CCDC127: variants seen among roughly 807,000 people sequenced by gnomAD.
CCDC127 encodes coiled-coil domain containing 127, also known as coiled-coil domain-containing protein 127.
CCDC127 carries 2 observed loss-of-function variants against 4.1 expected under a neutral mutation model. That is an observed-to-expected ratio of 0.49 (90% confidence interval 0.20 to 1.53). CCDC127 has a LOEUF of 1.53. Ranked by LOEUF, CCDC127 falls within the 40% of genes most tolerant of loss-of-function variation. The probability of loss-of-function intolerance (pLI) is 0.23; values close to 1 mark genes in which losing one functional copy is unlikely to be tolerated. For missense variants in CCDC127, 271 were observed against 322.9 expected (o/e 0.84, Z 1.23); for synonymous variants, 98 against 120.4 (o/e 0.81, Z 1.22).
At position 205,191 on chromosome 5, in the gene CCDC127, T is replaced by C. The variant is rs1734144351; in HGVS notation, c.*106A>G. 2.9e-6 allele frequency: 3 copies of C among 1,027,796 alleles called. No homozygotes were observed. The highest frequency in any genetic ancestry group is 2.9e-6 in the Non-Finnish European group (2 of 697,764). The allele number at this position is 1,027,796 out of a possible 1,614,324, so 63.7% of individuals were successfully genotyped here. Reference sequence around the variant, plus strand: ...GGAGGTCGCTGCTGAAGGGTGACGGTGTGGCCATGACACGGGCAGCACGGG... The same window carrying C: ...GGAGGTCGCTGCTGAAGGGTGACGGCGTGGCCATGACACGGGCAGCACGGG... On this transcript the variant is annotated 3_prime_UTR_variant, in exon 3 of 3. Transcript: ENST00000296824.
At chr5:210,601 A>C (rs907367598) in intron 2 of CCDC127, among the ~76,000 whole-genome samples, 67 of 152,220 alleles carry the variant, frequency 4.4e-4, no homozygotes, top group Middle Eastern at 3.2e-3. Flanking sequence ...CAGTAGAGCC[A>C]CGATGAGACA....
At chr5:214,570 AG>A (rs1377799773) in intron 2 of CCDC127, 1 of 152,184 alleles carries the variant, frequency 6.6e-6, no homozygotes, top group Non-Finnish European at 1.5e-5. Flanking sequence ...CTGAGAGAAA[AG>A]GGGGGAAGCA....
rs1734038530 is a variant in CCDC127, at chr5:199,839, A to G, written c.*5458T>C. 1 of 152,366 alleles carries G rather than the reference A, an allele frequency of 6.6e-6. No individual in the cohort carries two copies. Among genetic ancestry groups the G allele is most frequent in the Non-Finnish European group, 1.5e-5 (1 of 68,228 alleles). The allele number at this position is 152,366 out of a possible 1,614,324, so 9.4% of individuals were successfully genotyped here. ...TGCCCCAATGTGGCACTTTCTGCCC[A>G]TCTGCCTTTCTTCGTTACTCCTCCC... On this transcript the variant is annotated 3_prime_UTR_variant, in exon 3 of 3. Coordinates refer to ENST00000296824, the MANE Select transcript of CCDC127 (RefSeq NM_145265.3).
In CCDC127 at chr5:203,690, C is replaced by CGCTCCT. The variant is rs1338139136; in HGVS notation, c.*1601_*1606dup. On this transcript the variant is annotated 3_prime_UTR_variant, in exon 3 of 3. Transcript: ENST00000296824. Reference sequence around the variant, plus strand: ...TGAAAGCAGATGGACAACCTGCTCCCGCTCCTGCCTGGCCACACACTATCA... The same window carrying CGCTCCT: ...TGAAAGCAGATGGACAACCTGCTCCCGCTCCTGCTCCTGCCTGGCCACACACTATCA... 1.3e-5 allele frequency: 2 copies of CGCTCCT among 152,246 alleles called. No homozygotes were observed. The highest frequency in any genetic ancestry group is 2.9e-5 in the Non-Finnish European group (2 of 68,062). 9.4% of individuals were successfully genotyped at this position (152,246 alleles called of 1,614,324 possible).
At chr5:212,348 A>C (rs2561683) in intron 2 of CCDC127, among the ~76,000 whole-genome samples, 2 of 27,742 alleles carry the variant, frequency 7.2e-5, no homozygotes, top group East Asian at 6.1e-4. Context: ...CGGGACAGCA[A>C]TGTGAGCACG....
At chr5:212,148 G>C (rs71583062) in intron 2 of CCDC127, among the ~76,000 whole-genome samples, 27 of 18,142 alleles carry the variant, frequency 1.5e-3, no homozygotes, top group Admixed American at 1.6e-3. Flanking sequence ...ACACCCATCA[G>C]GATGGGGCAG....
chr5:207,238 C>T (rs1362873046), intron 2 of CCDC127, among the ~76,000 whole-genome samples: 4 of 152,204 alleles, frequency 2.6e-5, no homozygotes, highest in Non-Finnish European at 5.9e-5. Context: ...TGACACTTCA[C>T]TGAGTAAGCA....
intron 2 of CCDC127, among the ~76,000 whole-genome samples, chr5:207,003 T>C (rs1321853089): frequency 2.0e-5 from 3 of 152,166 alleles, no homozygotes; most frequent in Admixed American, 6.5e-5. Context: ...GGAGTTTCTA[T>C]CAACTTTAAT....
Position 205,931 on chromosome 5 carries a change from T to C in CCDC127, c.149A>G (p.Lys50Arg). ...FRWIWSRESQ[K>R]EVEKEREAYR... is the part of the protein sequence containing the mutation. ...GGCTTCTCTCTCTTTTTCTACTTCTTTCTGGGACTCCCTAGACCAAATCCA... is the reference window on the plus strand; with the variant it reads ...GGCTTCTCTCTCTTTTTCTACTTCTCTCTGGGACTCCCTAGACCAAATCCA... The change falls in exon 3 of 3, where the codon AAA becomes AGA. Residue 50 changes from lysine (K) to arginine (R), a missense_variant. Around this residue, in one of 2 missense-constraint regions of CCDC127, gnomAD observed 265 missense variants for 270.9 expected, o/e 0.98. Coordinates refer to ENST00000296824, the MANE Select transcript of CCDC127 (RefSeq NM_145265.3). The C allele has an allele frequency of 6.2e-7, 1 of 1,613,448 alleles. No homozygotes were observed. The highest frequency in any genetic ancestry group is 8.5e-7 in the Non-Finnish European group (1 of 1,179,594).
At chr5:214,125 C>CT (rs1734331508) in intron 2 of CCDC127, 1 of 152,248 alleles carries the variant, frequency 6.6e-6, no homozygotes, top group South Asian at 2.1e-4. Context: ...ACATAACATT[C>CT]TTGAAATGAC....
intron 1 of CCDC127, among the ~76,000 whole-genome samples, chr5:217,734 C>G (rs1225282430): frequency 6.6e-5 from 10 of 151,994 alleles, no homozygotes; most frequent in Non-Finnish European, 1.5e-4. Flanking sequence ...TCGGGCTCAG[C>G]ATGCACCCTC....
intron 2 of CCDC127, chr5:215,840 A>G (rs1162971258): frequency 1.3e-5 from 2 of 152,134 alleles, no homozygotes; most frequent in Non-Finnish European, 2.9e-5. Flanking sequence ...GCCCAGAACC[A>G]TGGAATGTGA....
Position 205,015 on chromosome 5 carries a change from T to C in CCDC127, c.*282A>G, listed in dbSNP as rs1452203770. The C allele has an allele frequency of 1.7e-5, 5 of 302,202 alleles. No homozygotes were observed. Among genetic ancestry groups the C allele is most frequent in the Non-Finnish European group, 3.0e-5 (5 of 165,990 alleles). The allele number at this position is 302,202 out of a possible 1,614,324, so 18.7% of individuals were successfully genotyped here. A position where few individuals can be genotyped will look rare whatever the true frequency, so the allele number is the denominator to read the frequency against. ...TAAAAAACCATTTTTACCCTGGAGC[T>C]AAAATACGAGGTTATACTGTTCTGC... is the stretch of plus-strand genomic sequence containing the variant. On this transcript the variant is annotated 3_prime_UTR_variant, in exon 3 of 3. Transcript: ENST00000296824.
In CCDC127 at chr5:205,839, T is replaced by C. The variant is rs1263760452; in HGVS notation, c.241A>G (p.Asn81Asp). The change falls in exon 3 of 3, where the codon AAT (asparagine) becomes GAT (aspartate). Residue 81 changes from asparagine (N) to aspartate (D), a missense_variant. Physicochemically the swap from Asn to Asp is conservative, Grantham distance 23. Around this residue, in one of 2 missense-constraint regions of CCDC127, gnomAD observed 265 missense variants for 270.9 expected, o/e 0.98. Coordinates refer to ENST00000296824, the MANE Select transcript of CCDC127 (RefSeq NM_145265.3). ...GACAACTGAGCGACAGCACGCCGAT[T>C]TTCTGAGATCATGGCGTGGTACTTG... Reference protein sequence around the residue: ...EAKYHAMISENRRAVAQLSLE... With the variant: ...EAKYHAMISEDRRAVAQLSLE... The C allele has an allele frequency of 2.5e-6, 4 of 1,614,080 alleles. No homozygotes were observed. In the African/African-American group the frequency reaches 4.0e-5, roughly 16 times the overall value.
Position 201,561 on chromosome 5 carries a change from A to AAT in CCDC127, c.*3734_*3735dup, listed in dbSNP as rs1734077418. 6.6e-6 allele frequency: 1 copy of AAT among 152,214 alleles called. No homozygotes were observed. The highest frequency in any genetic ancestry group is 2.1e-4 in the South Asian group (1 of 4,824). The allele number at this position is 152,214 out of a possible 1,614,324, so 9.4% of individuals were successfully genotyped here. On this transcript the variant is annotated 3_prime_UTR_variant, in exon 3 of 3. Transcript: ENST00000296824. ...TACACACACATATGCACGCATATGA[A>AAT]ATATATATGCAAATTATATATCCTT...
In CCDC127 at chr5:199,300, G is replaced by A. The variant is rs28636067; in HGVS notation, c.*5997C>T. On this transcript the variant is annotated 3_prime_UTR_variant, in exon 3 of 3. Coordinates refer to ENST00000296824, the MANE Select transcript of CCDC127 (RefSeq NM_145265.3). The stretch of plus-strand genomic sequence containing the variant: ...GCCCAGTGGCCCCTGTGTGGTGGAC[G>A]TGGCCCCTCTGTGTGGTGGACGTGG... 0.13 allele frequency: 19,728 copies of A among 154,906 alleles called. 1,326 individuals carry two copies. The highest frequency in any genetic ancestry group is 0.17 in the Admixed American group (2,613 of 14,988). The allele number at this position is 154,906 out of a possible 1,614,324, so 9.6% of individuals were successfully genotyped here.
rs1174775639 is a variant in CCDC127, at chr5:197,333, A to T, written c.*7964T>A. ...AGAGGCTTTCGTCTTTTACTAACCC[A>T]TGTCAGCACAGACCCTTTACGGGTG... On this transcript the variant is annotated 3_prime_UTR_variant, in exon 3 of 3. Coordinates refer to ENST00000296824, the MANE Select transcript of CCDC127 (RefSeq NM_145265.3). The T allele has an allele frequency of 2.0e-5, 3 of 152,122 alleles. No homozygotes were observed. The highest frequency in any genetic ancestry group is 4.4e-5 in the Non-Finnish European group (3 of 68,044). 9.4% of individuals were successfully genotyped at this position (152,122 alleles called of 1,614,324 possible). A position where few individuals can be genotyped will look rare whatever the true frequency, so the allele number is the denominator to read the frequency against.
At position 205,108 on chromosome 5, in the gene CCDC127, G is replaced by A; in HGVS notation, c.*189C>T. On this transcript the variant is annotated 3_prime_UTR_variant, in exon 3 of 3. Coordinates refer to ENST00000296824, the MANE Select transcript of CCDC127 (RefSeq NM_145265.3). ...ATCCCCAACAGCGGCAGAGCATCGG[G>A]AGGAGACCCTCTGTCTCTGAGGCTT... 1.8e-6 allele frequency: 1 copy of A among 568,338 alleles called. No homozygotes were observed. Among genetic ancestry groups the A allele is most frequent in the Non-Finnish European group, 3.1e-6 (1 of 326,684 alleles). The allele number at this position is 568,338 out of a possible 1,614,324, so 35.2% of individuals were successfully genotyped here. A position where few individuals can be genotyped will look rare whatever the true frequency, so the allele number is the denominator to read the frequency against.
rs1424043678 is a variant in CCDC127 at position 205,966 on chromosome 5, G to A, written c.122-8C>T. 2 of 1,587,810 alleles carry A rather than the reference G, an allele frequency of 1.3e-6. No homozygotes were observed. Among genetic ancestry groups the A allele is most frequent in the Non-Finnish European group, 1.7e-6 (2 of 1,167,904 alleles). ...CCCTAGACCAAATCCAACCTGACATGAATGAAGAAAAATACACATAATGAA... is the reference window on the plus strand; with the variant it reads ...CCCTAGACCAAATCCAACCTGACATAAATGAAGAAAAATACACATAATGAA... On this transcript the variant is annotated splice_polypyrimidine_tract_variant and splice_region_variant and intron_variant, in intron 2 of 2. Transcript: ENST00000296824.
Sources: gnomAD v4.1 joint callset for allele counts (sites outside exome capture counted in the v4.1 genomes callset) on GRCh38, gnomAD v4.1.1 for gene constraint, gnomAD v4.1.1 regional missense constraint, MANE v1.5 for transcripts, NCBI Gene and HGNC (gene_info 2026-07-23, HGNC 2026-07-21) for gene names.